The following ANKRD17 variants were observed in gnomAD, a reference collection of about 807,000 sequenced individuals.
ANKRD17 encodes ankyrin repeat domain 17, also known as ankyrin repeat domain-containing protein 17.
In ANKRD17, 19 loss-of-function variants were observed where a neutral mutation model predicts 229.7. The ratio of observed to expected loss-of-function variants is 0.08; its 90% CI spans 0.06 to 0.12. ANKRD17 has a LOEUF of 0.12. ANKRD17 is among the 10% of genes least tolerant of loss of function. The pLI is 1.00. For synonymous variants in ANKRD17, 1,112 were observed against 1,146.1 expected, an observed-to-expected ratio of 0.97 and a Z score of 0.60; for missense variants, 2,176 against 3,176.8, an observed-to-expected ratio of 0.68 and a Z score of 7.57.
chr4:73,191,334 A>AATAT (rs1342812575), intron 1 of ANKRD17, among the ~76,000 whole-genome samples: 1 of 84,714 alleles, frequency 1.2e-5, no homozygotes, highest in Admixed American at 1.2e-4. Context: ...CCTACCAAAA[A>AATAT]ATATATATGT....
intron 2 of ANKRD17, among the ~76,000 whole-genome samples, chr4:73,161,651 G>T (rs191020503): frequency 6.6e-6 from 1 of 152,266 alleles, no homozygotes; most frequent in African/African-American, 2.4e-5. Flanking sequence ...ATATTCAAAG[G>T]TTGCTAAATT....
chr4:73,124,879 A>G (rs776787547), intron 18 of ANKRD17, 34 bp downstream of exon 18: 2 of 1,601,084 alleles, frequency 1.2e-6, no homozygotes, highest in Non-Finnish European at 1.7e-6. Context: ...CTAAACAGAG[A>G]AAGGAAAACA....
chr4:73,183,046 G>A (rs888805841), intron 1 of ANKRD17, among the ~76,000 whole-genome samples: 1 of 152,168 alleles, frequency 6.6e-6, no homozygotes, highest in African/African-American at 2.4e-5. Context: ...AGCCAAAAAG[G>A]AAAGTCTAAA....
chr4:73,138,608 A>C (rs1486574649), intron 15 of ANKRD17, among the ~76,000 whole-genome samples: 1 of 152,176 alleles, frequency 6.6e-6, no homozygotes, highest in African/African-American at 2.4e-5. Context: ...TGAATAAAAA[A>C]GGGGAAGAGA....
chr4:73,114,573 C>T (rs1725706438), intron 23 of ANKRD17, among the ~76,000 whole-genome samples: 2 of 152,078 alleles, frequency 1.3e-5, no homozygotes, highest in South Asian at 4.1e-4. Flanking sequence ...AATCCTCTCA[C>T]CTCAGCCTCC....
rs567498090 is a variant in ANKRD17 at position 73,091,017 on chromosome 4, C to T, written c.6611G>A (p.Ser2204Asn). 790 of 1,614,190 alleles carry T rather than the reference C, an allele frequency of 4.9e-4. 13 individuals carry two copies. The South Asian group carries it at 7.8e-3, about 16-fold the overall frequency. The change falls in exon 29 of 34, where the codon AGT becomes AAT. Residue 2204 changes from serine to asparagine, a missense_variant. Physicochemically the swap from Ser to Asn is conservative, Grantham distance 46. Around this residue, in one of 18 missense-constraint regions of ANKRD17, gnomAD observed 424 missense variants for 454.0 expected, o/e 0.93. Transcript: ENST00000358602. ...SVQNSSVAVL[S>N]VNHIKRPHSV... ...GTGAGGTCTTTTAATGTGATTGACA[C>T]TGAGGACTGCAACAGATGAATTTTG...
intron 29 of ANKRD17, among the ~76,000 whole-genome samples, chr4:73,087,830 G>A (rs1037233493): frequency 3.3e-5 from 5 of 151,952 alleles, no homozygotes; most frequent in African/African-American, 1.2e-4. Flanking sequence ...TTTGACAAAA[G>A]ATGGGGAAGA....
rs544540979 is a variant in ANKRD17 at position 73,146,705 on chromosome 4, T to C, written c.1869+59A>G. The C allele has an allele frequency of 2.2e-5, 27 of 1,243,050 alleles. No homozygotes were observed. In the South Asian group the frequency reaches 3.6e-4, roughly 16 times the overall value. 77.0% of individuals were successfully genotyped at this position (1,243,050 alleles called of 1,614,324 possible). A position where few individuals can be genotyped will look rare whatever the true frequency, so the allele number is the denominator to read the frequency against. On this transcript the variant is annotated intron_variant, in intron 10 of 33. Coordinates refer to ENST00000358602, the MANE Select transcript of ANKRD17 (RefSeq NM_032217.5). ...AAATACCTTTTGTCTAGACTCTCCA[T>C]AATTTAAAATTAATTTCTTATTGTT...
At chr4:73,242,692 G>C (rs1378708120) in intron 1 of ANKRD17, among the ~76,000 whole-genome samples, 2 of 152,132 alleles carry the variant, frequency 1.3e-5, no homozygotes, top group Non-Finnish European at 2.9e-5. Context: ...ACCAAACCAT[G>C]CTAACATATT....
In ANKRD17 at chr4:73,075,008, C is replaced by G. The variant is rs1052505242; in HGVS notation, c.*1223G>C. On this transcript the variant is annotated 3_prime_UTR_variant, in exon 34 of 34. Transcript: ENST00000358602. ...CACTGTAATCTGTGTATTTATCTGTCTACCATAAATTGTCTTCGTGACAAA... is the reference window on the plus strand; with the variant it reads ...CACTGTAATCTGTGTATTTATCTGTGTACCATAAATTGTCTTCGTGACAAA... The G allele has an allele frequency of 5.6e-4, 86 of 152,400 alleles. No homozygotes were observed. Among genetic ancestry groups the G allele is most frequent in the Non-Finnish European group, 1.5e-5 (1 of 67,904 alleles). 9.4% of individuals were successfully genotyped at this position (152,400 alleles called of 1,614,324 possible). A position where few individuals can be genotyped will look rare whatever the true frequency, so the allele number is the denominator to read the frequency against.
chr4:73,148,694 T>C, intron 8 of ANKRD17, 119 bp downstream of exon 8: 1 of 884,218 alleles, frequency 1.1e-6, no homozygotes, highest in Non-Finnish European at 1.8e-6. Flanking sequence ...TTATCACTGG[T>C]TTGTGTAATA....
rs1737387200 is a variant in ANKRD17 at position 73,193,341 on chromosome 4, T to C, written c.394-15808A>G. 2.0e-5 allele frequency among the ~76,000 whole-genome samples: 3 copies of C among 152,240 alleles called. No homozygotes were observed. The South Asian group carries it at 6.2e-4, about 32-fold the overall frequency. ...ATGAACATTTAAATACACTACTTTA[T>C]GCAGGCATGGTTTCACTTCTCTTAA... is the stretch of plus-strand genomic sequence containing the variant. On this transcript the variant is annotated intron_variant, in intron 1 of 33. Transcript: ENST00000358602.
intron 16 of ANKRD17, among the ~76,000 whole-genome samples, chr4:73,126,728 T>C (rs902071279): frequency 6.6e-6 from 1 of 152,148 alleles, no homozygotes; most frequent in South Asian, 2.1e-4. Flanking sequence ...CATACTTTTA[T>C]TATTTATTTT....
At chr4:73,179,545 T>C (rs1369585462) in intron 1 of ANKRD17, among the ~76,000 whole-genome samples, 19 of 115,032 alleles carry the variant, frequency 1.7e-4, no homozygotes, top group African/African-American at 5.9e-4. Context: ...TAAAGAGACA[T>C]GGATAGTCTC....
intron 9 of ANKRD17, among the ~76,000 whole-genome samples, 156 bp downstream of exon 9, chr4:73,147,082 CAGT>C (rs1245222684): frequency 1.3e-5 from 2 of 152,116 alleles, no homozygotes; most frequent in African/African-American, 4.8e-5. Context: ...CTTCAAACAG[CAGT>C]AAGGTAAACT....
intron 1 of ANKRD17, among the ~76,000 whole-genome samples, chr4:73,222,015 C>A (rs1301907856): frequency 6.6e-6 from 1 of 152,084 alleles, no homozygotes; most frequent in African/African-American, 2.4e-5. Flanking sequence ...GCCCTCTCCC[C>A]ACAGTAAAAT....
rs537314564 is a variant in ANKRD17 at position 73,190,949 on chromosome 4, G to A, written c.394-13416C>T. On this transcript the variant is annotated intron_variant, in intron 1 of 33. Transcript: ENST00000358602. ...AATGGAGAGGCATACCATGTTCCTG[G>A]ATGGGAAGATTCAATAGTGTAAAGA... 5.9e-5 allele frequency among the ~76,000 whole-genome samples: 9 copies of A among 152,206 alleles called. No homozygotes were observed. In the South Asian group the frequency reaches 1.9e-3, roughly 32 times the overall value.
intron 22 of ANKRD17, among the ~76,000 whole-genome samples, chr4:73,116,640 A>G (rs73827470): frequency 6.6e-6 from 1 of 152,304 alleles, no homozygotes; most frequent in African/African-American, 2.4e-5. Flanking sequence ...TGAATAGCTC[A>G]AATGCCACTT....
chr4:73,098,112 T>C lies in ANKRD17; in HGVS notation c.4982A>G (p.Lys1661Arg). The change falls in exon 26 of 34, where the codon AAG becomes AGG. Residue 1661 changes from lysine to arginine, a missense_variant. Physicochemically the swap from Lys to Arg is conservative, Grantham distance 26. Coordinates refer to ENST00000358602, the MANE Select transcript of ANKRD17 (RefSeq NM_032217.5). The stretch of plus-strand genomic sequence containing the variant: ...GCCAGAAACAGATTTTCTCTCTTCC[T>C]TTGGAAATGTAACAAGAACTGATGG... ...KQPSVLVTFP[K>R]EERKSVSGKA... 1.2e-6 allele frequency: 2 copies of C among 1,607,372 alleles called. No homozygotes were observed. Among genetic ancestry groups the C allele is most frequent in the Non-Finnish European group, 1.7e-6 (2 of 1,175,952 alleles).
Sources: gnomAD v4.1 joint callset for allele counts (sites outside exome capture counted in the v4.1 genomes callset) on GRCh38, gnomAD v4.1.1 for gene constraint, gnomAD v4.1.1 regional missense constraint, MANE v1.5 for transcripts, NCBI Gene and HGNC (gene_info 2026-07-23, HGNC 2026-07-21) for gene names.